CNTN2: variants seen among roughly 807,000 people sequenced by gnomAD.
CNTN2 encodes the protein contactin 2, also known as contactin-2.
In CNTN2, 53 loss-of-function variants were observed where a neutral mutation model predicts 117.5. That is an observed-to-expected ratio of 0.45 (90% CI 0.36 to 0.57). CNTN2 has a LOEUF of 0.57. Ranked by LOEUF, CNTN2 falls within the 20% of genes least tolerant of loss-of-function variation. The pLI is 0.00. For missense variants in CNTN2, 1,106 were observed against 1,404.3 expected (o/e 0.79, Z 3.39); for synonymous variants, 530 against 561.7 (o/e 0.94, Z 0.80).
intron 12 of CNTN2, 147 bp from the exon 13 acceptor site, chr1:205,064,940 A>G (rs983173543): frequency 1.7e-6 from 2 of 1,175,488 alleles, no homozygotes; most frequent in African/African-American, 1.5e-5. Context: ...CCACACACTC[A>G]TGCAGTCCTG....
At chr1:205,047,701 C>T (rs1040761521) in intron 1 of CNTN2, among the ~76,000 whole-genome samples, 27 of 152,158 alleles carry the variant, frequency 1.8e-4, no homozygotes, top group Admixed American at 2.0e-4. Flanking sequence ...CTCCTAAATA[C>T]ATATGAGTGC....
Position 205,066,512 on chromosome 1 carries a change from C to G in CNTN2, c.1888C>G (p.Arg630Gly), listed in dbSNP as rs574231253. 1.5e-5 allele frequency: 25 copies of G among 1,613,946 alleles called. No homozygotes were observed. The highest frequency in any genetic ancestry group is 2.0e-5 in the Non-Finnish European group (24 of 1,180,044). Residue 630 changes from arginine to glycine, a missense_variant, in exon 15 of 23, where the codon CGT (arginine) becomes GGT (glycine). By Grantham distance (125) the Arg-to-Gly change is moderately radical. Coordinates refer to ENST00000331830, the MANE Select transcript of CNTN2 (RefSeq NM_005076.5). ...GDTTIQLSWSRGFDNHSPIAK... is the reference protein window; with the variant it reads ...GDTTIQLSWSGGFDNHSPIAK... ...CACCACCATCCAGCTCAGCTGGAGC[C>G]GTGGCTTCGACAACCACAGCCCCAT...
At chr1:205,046,671 A>T (rs3767279) in intron 1 of CNTN2, among the ~76,000 whole-genome samples, 106,272 of 152,150 alleles carry the variant, frequency 0.7, 37,347 homozygotes, top group African/African-American at 0.78. Flanking sequence ...TTGGGGGACA[A>T]GCAGAAATTG....
chr1:205,072,609 C>T lies in CNTN2; in HGVS notation c.2844+14C>T. Reference sequence around the variant, plus strand: ...ACCGGCTATAAGGTGAGGAAGCAATCAGCTAGGCCCAGAATGGGAAGGAAC... The same window carrying T: ...ACCGGCTATAAGGTGAGGAAGCAATTAGCTAGGCCCAGAATGGGAAGGAAC... On this transcript the variant is annotated intron_variant, in intron 21 of 22. Coordinates refer to ENST00000331830, the MANE Select transcript of CNTN2 (RefSeq NM_005076.5). 1 of 1,574,250 alleles carries T rather than the reference C, an allele frequency of 6.4e-7. No homozygotes were observed. The highest frequency in any genetic ancestry group is 8.7e-7 in the Non-Finnish European group (1 of 1,144,050).
chr1:205,065,051 C>T lies in CNTN2; in HGVS notation c.1520-36C>T. 2 of 1,608,096 alleles carry T rather than the reference C, an allele frequency of 1.2e-6. No individual in the cohort carries two copies. The highest frequency in any genetic ancestry group is 1.7e-6 in the Non-Finnish European group (2 of 1,176,450). On this transcript the variant is annotated intron_variant, in intron 12 of 22. Coordinates refer to ENST00000331830, the MANE Select transcript of CNTN2 (RefSeq NM_005076.5). This position sits in a 1 kb window ranked among gnomAD's most constrained non-coding sequence, Gnocchi z 4.1. ...CGGACCCGGCCTGGGCCCATTTCCT[C>T]CCCCATCCACCCAAGGGCCTTGTTT... is the stretch of plus-strand genomic sequence containing the variant.
intron 1 of CNTN2, among the ~76,000 whole-genome samples, chr1:205,051,875 C>T (rs1316449494): frequency 6.6e-6 from 1 of 152,216 alleles, no homozygotes; most frequent in Non-Finnish European, 1.5e-5. Flanking sequence ...AGCCCCTGCA[C>T]AGGCCTGAGA....
At position 205,070,525 on chromosome 1, in the gene CNTN2, T is replaced by G; in HGVS notation, c.2531T>G (p.Leu844Arg). The G allele has an allele frequency of 1.2e-6, 2 of 1,613,298 alleles. No homozygotes were observed. Among genetic ancestry groups the G allele is most frequent in the Non-Finnish European group, 1.7e-6 (2 of 1,179,498 alleles). ...GTGCAGCAGGACATGAATGGTATCC[T>G]CCTGGGGTATGAGGTGAGCACCAAC... ...EPVQQDMNGILLGYEIRYWKA... is the reference protein window; with the variant it reads ...EPVQQDMNGIRLGYEIRYWKA... Residue 844 changes from leucine to arginine, a missense_variant, in exon 19 of 23, where the codon CTC becomes CGC. Physicochemically the swap from Leu to Arg is moderately radical, Grantham distance 102. Coordinates refer to ENST00000331830, the MANE Select transcript of CNTN2 (RefSeq NM_005076.5).
At position 205,061,820 on chromosome 1, in the gene CNTN2, G is replaced by C; in HGVS notation, c.974-45G>C. On this transcript the variant is annotated intron_variant, in intron 8 of 22. Coordinates refer to ENST00000331830, the MANE Select transcript of CNTN2 (RefSeq NM_005076.5). This position sits in a 1 kb window ranked among gnomAD's most constrained non-coding sequence, Gnocchi z 4.8. Reference sequence around the variant, plus strand: ...TTCTGTTCCTTTTAATGAGCTGGAAGCTCCTCCTAGCTCATGCCAGGTTTT... The same window carrying C: ...TTCTGTTCCTTTTAATGAGCTGGAACCTCCTCCTAGCTCATGCCAGGTTTT... 2 of 1,491,028 alleles carry C rather than the reference G, an allele frequency of 1.3e-6. No individual in the cohort carries two copies. 92.4% of individuals were successfully genotyped at this position (1,491,028 alleles called of 1,614,324 possible).
rs955329968 is a variant in CNTN2 at position 205,074,336 on chromosome 1, G to C, written c.*571G>C. The stretch of plus-strand genomic sequence containing the variant: ...CCTAGGGGCTCCTGCCTGCCCAAGC[G>C]GCTGAGAACCAGCGCCCCGATGCCT... On this transcript the variant is annotated 3_prime_UTR_variant, in exon 23 of 23. Coordinates refer to ENST00000331830, the MANE Select transcript of CNTN2 (RefSeq NM_005076.5). The C allele has an allele frequency of 7.5e-6, 3 of 400,098 alleles. No individual in the cohort carries two copies. The highest frequency in any genetic ancestry group is 1.3e-5 in the Non-Finnish European group (3 of 226,918). The allele number at this position is 400,098 out of a possible 1,614,324, so 24.8% of individuals were successfully genotyped here. A position where few individuals can be genotyped will look rare whatever the true frequency, so the allele number is the denominator to read the frequency against.
At position 205,053,142 on chromosome 1, in the gene CNTN2, G is replaced by A. The variant is rs764904111; in HGVS notation, c.-44G>A. 8 of 1,546,996 alleles carry A rather than the reference G, an allele frequency of 5.2e-6. No individual in the cohort carries two copies. In the African/African-American group the frequency reaches 9.6e-5, roughly 18 times the overall value. ...AGCTGGGCTGTCCCCAAGCTGAGCT[G>A]AGGCTCTTCTCCTCCGATCCCCACC... On this transcript the variant is annotated 5_prime_UTR_variant, in exon 2 of 23. Transcript: ENST00000331830.
chr1:205,061,669 C>T lies in CNTN2; in HGVS notation c.974-196C>T, dbSNP rs1298601422. 1.4e-5 allele frequency: 12 copies of T among 839,864 alleles called. No homozygotes were observed. Among genetic ancestry groups the T allele is most frequent in the Non-Finnish European group, 2.2e-5 (12 of 554,492 alleles). The allele number at this position is 839,864 out of a possible 1,614,324, so 52.0% of individuals were successfully genotyped here. ...ATGATTTAAGTTGCAAAAGCAGCCA[C>T]TGGCACAGCCACAGAGTGCCAGCTT... On this transcript the variant is annotated intron_variant, in intron 8 of 22. Transcript: ENST00000331830. The surrounding 1 kb of genome is among the most constrained non-coding windows in gnomAD (Gnocchi z 4.8).
Position 205,058,364 on chromosome 1 carries a change from C to A in CNTN2, c.391+8C>A. 6.5e-7 allele frequency: 1 copy of A among 1,528,746 alleles called. No homozygotes were observed. The highest frequency in any genetic ancestry group is 8.8e-7 in the Non-Finnish European group (1 of 1,136,300). 94.7% of individuals were successfully genotyped at this position (1,528,746 alleles called of 1,614,324 possible). A position where few individuals can be genotyped will look rare whatever the true frequency, so the allele number is the denominator to read the frequency against. On this transcript the variant is annotated splice_region_variant and intron_variant, in intron 4 of 22. Transcript: ENST00000331830. This position sits in a 1 kb window ranked among gnomAD's most constrained non-coding sequence, Gnocchi z 4.3. ...CCATCCTCCGCTTCGGCTGTGAGAC[C>A]CGCGGGGGACCAAGACACTTTGGGG... is the stretch of plus-strand genomic sequence containing the variant.
At chr1:205,070,711 G>A (rs1249964836) in intron 19 of CNTN2, 173 bp downstream of exon 19, 2 of 540,808 alleles carry the variant, frequency 3.7e-6, no homozygotes, top group Non-Finnish European at 6.7e-6. Context: ...AAGACCCCAT[G>A]GCAGGCCAGG....
rs939999832 is a variant in CNTN2 at position 205,071,679 on chromosome 1, G to A, written c.2545-268G>A. ...AATGAAATGAAATGGGTTCCAGCAG[G>A]CCATTGCTAGGTTGAGCCTGTGCCA... On this transcript the variant is annotated intron_variant, in intron 19 of 22. Coordinates refer to ENST00000331830, the MANE Select transcript of CNTN2 (RefSeq NM_005076.5). 2.0e-5 allele frequency among the ~76,000 whole-genome samples: 3 copies of A among 152,174 alleles called. No individual in the cohort carries two copies. The East Asian group carries it at 5.8e-4, about 29-fold the overall frequency.
In CNTN2 at chr1:205,061,057, C is replaced by T. The variant is rs1448141762; in HGVS notation, c.798-188C>T. 1.6e-6 allele frequency: 1 copy of T among 615,696 alleles called. No homozygotes were observed. Among genetic ancestry groups the T allele is most frequent in the African/African-American group, 1.9e-5 (1 of 53,306 alleles). The allele number at this position is 615,696 out of a possible 1,614,324, so 38.1% of individuals were successfully genotyped here. ...AGAGCAGCCCTGCCTCTTGCCCCTT[C>T]CCTGCGTGTGCTCCGAGCCTACCTG... On this transcript the variant is annotated intron_variant, in intron 7 of 22. Coordinates refer to ENST00000331830, the MANE Select transcript of CNTN2 (RefSeq NM_005076.5). The surrounding 1 kb of genome is among the most constrained non-coding windows in gnomAD (Gnocchi z 4.8).
intron 10 of CNTN2, chr1:205,063,417 T>G (rs1457892719): frequency 6.6e-6 from 1 of 151,976 alleles, no homozygotes; most frequent in Non-Finnish European, 1.5e-5. Flanking sequence ...CTCCTCAAGC[T>G]CAGGAGTTTG....
chr1:205,057,561 C>T (rs1653715175), intron 2 of CNTN2: 2 of 171,190 alleles, frequency 1.2e-5, no homozygotes, highest in Middle Eastern at 2.5e-3. Flanking sequence ...GGGACTGTGT[C>T]TTAATCATCT....
chr1:205,058,152 A>T lies in CNTN2; in HGVS notation c.216-29A>T. On this transcript the variant is annotated intron_variant, in intron 3 of 22. Transcript: ENST00000331830. This position sits in a 1 kb window ranked among gnomAD's most constrained non-coding sequence, Gnocchi z 4.3. ...AGCCCTGCCACCAGGCAGGACTCAG[A>T]GGTCCCCTTCCTCTGTCCCCTGCTG... 1.5e-5 allele frequency: 24 copies of T among 1,593,716 alleles called. No homozygotes were observed. Among genetic ancestry groups the T allele is most frequent in the Non-Finnish European group, 2.1e-5 (24 of 1,169,662 alleles).
chr1:205,064,094 T>C (rs1337636422), intron 10 of CNTN2, among the ~76,000 whole-genome samples: 1 of 100,086 alleles, frequency 1.0e-5, no homozygotes, highest in Admixed American at 1.3e-4. Flanking sequence ...GGAAGACTGA[T>C]GTGGGGTGGC....
Sources: gnomAD v4.1 joint callset for allele counts (sites outside exome capture counted in the v4.1 genomes callset) on GRCh38, gnomAD v4.1.1 for gene constraint, Gnocchi (gnomAD v3.1) non-coding constraint, MANE v1.5 for transcripts, NCBI Gene and HGNC (gene_info 2026-07-23, HGNC 2026-07-21) for gene names.